TRHDE: variants seen among roughly 807,000 people sequenced by gnomAD.
The protein encoded by TRHDE is thyrotropin-releasing hormone-degrading ectoenzyme.
A neutral mutation model predicts 125.7 loss-of-function variants in TRHDE; 72 were observed. That is an observed-to-expected ratio of 0.57 (90% confidence interval 0.47 to 0.70). The LOEUF is 0.70. Ranked by LOEUF, TRHDE falls within the 30% of genes least tolerant of loss-of-function variation. The pLI is 0.00. For synonymous variants in TRHDE, 509 were observed against 509.1 expected (o/e 1.00, Z 0.00); for missense variants, 1,110 against 1,327.1 (o/e 0.84, Z 2.54).
intron 12 of TRHDE, 123 bp downstream of exon 12, chr12:72,575,665 T>A: frequency 2.1e-6 from 2 of 933,964 alleles, no homozygotes; most frequent in Non-Finnish European, 3.2e-6. Flanking sequence ...CTATCTTATG[T>A]TCTTTGACTT....
In TRHDE at chr12:72,581,052, C is replaced by CA. The variant is rs569883289; in HGVS notation, c.2321+5520dup. 9.7e-4 allele frequency among the ~76,000 whole-genome samples: 140 copies of CA among 144,870 alleles called. 2 individuals carry two copies. The South Asian group carries it at 0.014, about 15-fold the overall frequency. ...ATGCTTAAAAGTAAGAGAATGAAAG[C>CA]AAAAAAAAAAGTATAAACTAGAGAA... On this transcript the variant is annotated intron_variant, in intron 12 of 18. Coordinates refer to ENST00000261180, the MANE Select transcript of TRHDE (RefSeq NM_013381.3).
intron 2 of TRHDE, among the ~76,000 whole-genome samples, chr12:72,334,902 G>T (rs1245334472): frequency 1.3e-5 from 2 of 152,158 alleles, no homozygotes; most frequent in Admixed American, 6.5e-5. Flanking sequence ...GCAGGGGGAC[G>T]GAAGAGAGCA....
At chr12:72,554,652 GA>G in intron 7 of TRHDE, among the ~76,000 whole-genome samples, 1 of 152,138 alleles carries the variant, frequency 6.6e-6, no homozygotes, top group East Asian at 1.9e-4. Context: ...TCTATTTTGG[GA>G]GTGAATGGTG....
chr12:72,499,649 A>G lies in TRHDE; in HGVS notation c.1722+14A>G, dbSNP rs543101216. On this transcript the variant is annotated intron_variant, in intron 6 of 18. Transcript: ENST00000261180. ...GCATATAAAAAGGTGGGAATAAAGAACAAAGTGCCAATTAGATATTTCATT... is the reference window on the plus strand; with the variant it reads ...GCATATAAAAAGGTGGGAATAAAGAGCAAAGTGCCAATTAGATATTTCATT... The G allele has an allele frequency of 6.2e-7, 1 of 1,611,886 alleles. No homozygotes were observed. The highest frequency in any genetic ancestry group is 8.5e-7 in the Non-Finnish European group (1 of 1,178,896).
chr12:72,130,594 C>CACT (rs1290641860), intron 2 of TRHDE, among the ~76,000 whole-genome samples: 1 of 152,054 alleles, frequency 6.6e-6, no homozygotes. Context: ...AACAAAAAAG[C>CACT]ACTAGGGGCA....
chr12:72,227,099 A>G (rs1399298290), intron 2 of TRHDE, among the ~76,000 whole-genome samples: 4 of 152,242 alleles, frequency 2.6e-5, no homozygotes, highest in Admixed American at 6.5e-5. Context: ...AAAATATTTT[A>G]GAAATAAATA....
chr12:72,183,689 TG>T (rs1374741095), intron 2 of TRHDE, among the ~76,000 whole-genome samples: 3 of 152,194 alleles, frequency 2.0e-5, no homozygotes, highest in African/African-American at 7.2e-5. Context: ...ATGCAGAGTT[TG>T]GAGTCTAGTC....
At chr12:72,221,733 A>G (rs1434352421) in intron 2 of TRHDE, among the ~76,000 whole-genome samples, 3 of 152,100 alleles carry the variant, frequency 2.0e-5, no homozygotes, top group South Asian at 2.1e-4. Flanking sequence ...ATATTTGGGG[A>G]AAAAAACCAA....
At chr12:72,427,978 A>G (rs1268912574) in intron 3 of TRHDE, among the ~76,000 whole-genome samples, 2 of 152,190 alleles carry the variant, frequency 1.3e-5, no homozygotes, top group Non-Finnish European at 2.9e-5. Context: ...TTTAAGATGA[A>G]GTCAAGTGAC....
chr12:72,633,251 C>G (rs1337811311), intron 15 of TRHDE, among the ~76,000 whole-genome samples: 2 of 151,964 alleles, frequency 1.3e-5, no homozygotes, highest in Admixed American at 6.6e-5. Flanking sequence ...TCCCTTGTCC[C>G]CCACCAGCAA....
In TRHDE at chr12:72,165,214, C is replaced by T. The variant is rs545620833; in HGVS notation, n.279+59462C>T. On this transcript the variant is annotated intron_variant and non_coding_transcript_variant, in intron 2 of 4. Transcript: ENST00000548156. ...ACTTTGGATTATTCCTTCTTTGTTA[C>T]ACCAAGGGACTTCTGGAATCTTTAT... Among the ~76,000 whole-genome samples, 111 of 152,252 alleles carry T rather than the reference C, an allele frequency of 7.3e-4. 3 individuals carry two copies. The Middle Eastern group carries it at 0.014, about 19-fold the overall frequency.
At chr12:72,556,376 C>T (rs1297990203) in intron 7 of TRHDE, among the ~76,000 whole-genome samples, 1 of 152,186 alleles carries the variant, frequency 6.6e-6, no homozygotes, top group Non-Finnish European at 1.5e-5. Flanking sequence ...AAGAACCAGG[C>T]TTACAAAATA....
chr12:72,598,165 A>C (rs1012168684), intron 12 of TRHDE, among the ~76,000 whole-genome samples: 5 of 152,174 alleles, frequency 3.3e-5, no homozygotes, highest in Non-Finnish European at 5.9e-5. Flanking sequence ...CAGTGATCCT[A>C]TCTATGAATA....
intron 3 of TRHDE, among the ~76,000 whole-genome samples, chr12:72,398,735 A>C (rs11179186): frequency 6.6e-6 from 1 of 152,104 alleles, no homozygotes; most frequent in Admixed American, 6.6e-5. Flanking sequence ...CCCTATGAAG[A>C]CAACAAATGG....
At chr12:72,252,567 G>A (rs1411727345) in intron 2 of TRHDE, among the ~76,000 whole-genome samples, 2 of 152,012 alleles carry the variant, frequency 1.3e-5, no homozygotes, top group Non-Finnish European at 2.9e-5. Flanking sequence ...CTTAATATCA[G>A]GTAGAGTGAT....
chr12:72,213,035 T>G (rs1877815268), intron 2 of TRHDE, among the ~76,000 whole-genome samples: 1 of 152,158 alleles, frequency 6.6e-6, no homozygotes, highest in African/African-American at 2.4e-5. Flanking sequence ...TGCTACAATA[T>G]AGATAAACCT....
intron 1 of TRHDE, among the ~76,000 whole-genome samples, chr12:72,097,931 G>A (rs529179135): frequency 2.3e-4 from 35 of 152,306 alleles, no homozygotes; most frequent in African/African-American, 7.7e-4. Context: ...AATACTCATG[G>A]AATAAATGGT....
At chr12:72,399,341 G>T (rs2135800888) in intron 3 of TRHDE, among the ~76,000 whole-genome samples, 1 of 152,298 alleles carries the variant, frequency 6.6e-6, no homozygotes, top group Non-Finnish European at 1.5e-5. Context: ...GAGTTTGCAA[G>T]AGAGGAATAT....
At chr12:72,199,378 G>A (rs1205392727) in intron 2 of TRHDE, among the ~76,000 whole-genome samples, 1 of 152,156 alleles carries the variant, frequency 6.6e-6, no homozygotes, top group Non-Finnish European at 1.5e-5. Flanking sequence ...GGAAATAAAA[G>A]GAAAGAGGGA....
Sources: allele counts gnomAD v4.1 joint callset (sites outside exome capture counted in the v4.1 genomes callset), GRCh38; gene constraint gnomAD v4.1.1; transcripts MANE v1.5; gene names NCBI Gene and HGNC (gene_info 2026-07-23, HGNC 2026-07-21).